PFKP: variants seen among roughly 807,000 people sequenced by gnomAD.
PFKP encodes ATP-dependent 6-phosphofructokinase, platelet type.
PFKP carries 101 observed loss-of-function variants against 94.3 expected under a neutral mutation model. The ratio of observed to expected loss-of-function variants is 1.07; its 90% confidence interval spans 0.91 to 1.26. PFKP has a LOEUF of 1.26. Ranked by LOEUF, PFKP falls within the 50% of genes most tolerant of loss-of-function variation. The probability of loss-of-function intolerance (pLI) is 0.00; values close to 1 mark genes in which losing one functional copy is unlikely to be tolerated. For synonymous variants in PFKP, 573 were observed against 432.6 expected (o/e 1.32, Z -4.03); for missense variants, 1,145 against 1,103.3 (o/e 1.04, Z -0.53).
rs149410771 is a variant in PFKP at position 3,135,986 on chromosome 10, C to T, written c.2225+148C>T. 3.9e-4 allele frequency: 237 copies of T among 610,628 alleles called. 1 individual carries two copies. In the East Asian group the frequency reaches 6.6e-3, roughly 17 times the overall value. The allele number at this position is 610,628 out of a possible 1,614,324, so 37.8% of individuals were successfully genotyped here. A position where few individuals can be genotyped will look rare whatever the true frequency, so the allele number is the denominator to read the frequency against. ...CAGTTAAAAAAATACTAGGTCTTGGCTGGGCGCGGTGGCTCATGCCTATAA... is the reference window on the plus strand; with the variant it reads ...CAGTTAAAAAAATACTAGGTCTTGGTTGGGCGCGGTGGCTCATGCCTATAA... On this transcript the variant is annotated intron_variant, in intron 21 of 21. Transcript: ENST00000381125.
intron 16 of PFKP, chr10:3,125,060 C>G (rs781684173): frequency 1.7e-6 from 2 of 1,190,628 alleles, no homozygotes; most frequent in Non-Finnish European, 1.1e-6. Context: ...GGTGAGCACC[C>G]GGCACCCCCG....
chr10:3,123,616 G>A (rs9423471), intron 16 of PFKP, among the ~76,000 whole-genome samples: 39,879 of 152,160 alleles, frequency 0.26, 5,277 homozygotes, highest in South Asian at 0.31. Flanking sequence ...AGAAACAGCC[G>A]GCTCCCCACA....
intron 2 of PFKP, among the ~76,000 whole-genome samples, chr10:3,099,072 G>A (rs778650489): frequency 3.9e-5 from 6 of 152,164 alleles, no homozygotes; most frequent in Admixed American, 2.6e-4. Flanking sequence ...CTAGGCAGAC[G>A]TTCCCATTAC....
chr10:3,135,804 C>A lies in PFKP; in HGVS notation c.2191C>A (p.Pro731Thr), dbSNP rs1839203015. The A allele has an allele frequency of 6.2e-7, 1 of 1,613,372 alleles. No homozygotes were observed. Among genetic ancestry groups the A allele is most frequent in the Non-Finnish European group, 8.5e-7 (1 of 1,179,376 alleles). Residue 731 changes from proline (P) to threonine (T), a missense_variant, in exon 21 of 22, where the codon CCT becomes ACT. Coordinates refer to ENST00000381125, the MANE Select transcript of PFKP (RefSeq NM_002627.5). ...GISKRNVIFQ[P>T]VAELKKQTDF... The stretch of plus-strand genomic sequence containing the variant: ...AAGCAAAAGAAACGTTATTTTTCAA[C>A]CTGTGGCAGAGCTGAAGAAGCAAAC...
At chr10:3,134,197 C>T (rs2306311) in intron 19 of PFKP, among the ~76,000 whole-genome samples, 40,651 of 152,180 alleles carry the variant, frequency 0.27, 5,864 homozygotes, top group East Asian at 0.38. Context: ...CCATCCCCAG[C>T]TCAGATGAGT....
chr10:3,136,362 T>G, intron 21 of PFKP, 88 bp from the exon 22 acceptor site: 2 of 1,421,176 alleles, frequency 1.4e-6, no homozygotes, highest in Non-Finnish European at 2.0e-6. Context: ...CCTGTGTTTC[T>G]GGCAAGACCG....
At chr10:3,103,655 A>G in intron 4 of PFKP, 124 bp from the exon 5 acceptor site, 1 of 905,676 alleles carries the variant, frequency 1.1e-6, no homozygotes, top group Non-Finnish European at 1.7e-6. Context: ...AAATGATACC[A>G]ATAACAAAGA....
intron 1 of PFKP, among the ~76,000 whole-genome samples, chr10:3,068,196 A>C (rs997835898): frequency 6.6e-6 from 1 of 151,488 alleles, no homozygotes; most frequent in African/African-American, 2.4e-5. Flanking sequence ...ACTCCGCCGC[A>C]CGCCACCCCC....
rs759745063 is a variant in PFKP at position 3,113,404 on chromosome 10, G to A, written c.1257G>A (p.Gly419=). 1 of 1,598,558 alleles carries A rather than the reference G, an allele frequency of 6.3e-7. No individual in the cohort carries two copies. Among genetic ancestry groups the A allele is most frequent in the Admixed American group, 1.7e-5 (1 of 58,770 alleles). ...TNCNVAVINV[G]APAAGMNAAV... ...GCAACGTAGCTGTCATCAACGTGGGGGCACCCGCGGCTGGGATGAACGCAG... is the reference window on the plus strand; with the variant it reads ...GCAACGTAGCTGTCATCAACGTGGGAGCACCCGCGGCTGGGATGAACGCAG... The change falls in exon 13 of 22, where the codon GGG becomes GGA. Residue 419 remains glycine (G), a synonymous_variant. Coordinates refer to ENST00000381125, the MANE Select transcript of PFKP (RefSeq NM_002627.5).
intron 1 of PFKP, chr10:3,069,374 G>C (rs1436919452): frequency 6.3e-7 from 1 of 1,589,890 alleles, no homozygotes; most frequent in African/African-American, 1.3e-5. Context: ...ACTTAAACCG[G>C]CCCGGAGATG....
At chr10:3,078,240 C>T (rs1832761897) in intron 1 of PFKP, among the ~76,000 whole-genome samples, 1 of 152,158 alleles carries the variant, frequency 6.6e-6, no homozygotes, top group Non-Finnish European at 1.5e-5. Context: ...TGTGAAAGCC[C>T]TCATTGCAGG....
At chr10:3,102,940 A>G (rs748249779) in intron 4 of PFKP, among the ~76,000 whole-genome samples, 10 of 152,340 alleles carry the variant, frequency 6.6e-5, no homozygotes, top group Admixed American at 4.6e-4. Context: ...AGACCGGGAC[A>G]GTGGCCACAA....
chr10:3,133,911 C>T (rs1838897821), intron 19 of PFKP, among the ~76,000 whole-genome samples: 1 of 152,124 alleles, frequency 6.6e-6, no homozygotes, highest in African/African-American at 2.4e-5. Flanking sequence ...CTGGAGCTTC[C>T]CTAAGATTTA....
chr10:3,069,153 GC>G lies in PFKP; in HGVS notation c.112+1447del, dbSNP rs1010290547. The stretch of plus-strand genomic sequence containing the variant: ...AGCCTCCCCAGGCCCAGCGCCCCCC[GC>G]GGGAGACCCGGGTGGCAGCGCCAGG... On this transcript the variant is annotated intron_variant, in intron 1 of 21. Transcript: ENST00000381125. 10 of 964,038 alleles carry G rather than the reference GC, an allele frequency of 1.0e-5. No homozygotes were observed. In the African/African-American group the frequency reaches 1.7e-4, roughly 17 times the overall value. 59.7% of individuals were successfully genotyped at this position (964,038 alleles called of 1,614,324 possible).
chr10:3,100,863 A>AG, intron 3 of PFKP: 1 of 158,326 alleles, frequency 6.3e-6, no homozygotes, highest in Non-Finnish European at 8.6e-6. Flanking sequence ...TATGTGGTGC[A>AG]AAAAAAAAAA....
chr10:3,129,722 T>TG (rs968193327), intron 16 of PFKP, 97 bp from the exon 17 acceptor site: 80 of 1,283,720 alleles, frequency 6.2e-5, no homozygotes, highest in East Asian at 1.2e-4. Context: ...TTGGGCGCGG[T>TG]GGGGGGGCCT....
chr10:3,110,834 G>A (rs1051919287), intron 10 of PFKP, among the ~76,000 whole-genome samples: 31 of 152,096 alleles, frequency 2.0e-4, no homozygotes, highest in African/African-American at 7.0e-4. Context: ...GCATGTATGT[G>A]TATGTTTATA....
intron 1 of PFKP, chr10:3,069,216 A>G: frequency 1.5e-6 from 2 of 1,312,592 alleles, no homozygotes; most frequent in Non-Finnish European, 2.0e-6. Flanking sequence ...GCCCCCGGGA[A>G]GTGCTCTGGC....
Position 3,118,872 on chromosome 10 carries a change from A to G in PFKP, c.1530+3A>G. ...TGCTGATCATCGGTGGATTCGAGGT[A>G]CGTTACCGTTTCTCTCTTGCCGGTC... On this transcript the variant is annotated splice_donor_region_variant and intron_variant, in intron 15 of 21. Transcript: ENST00000381125. 1 of 1,609,786 alleles carries G rather than the reference A, an allele frequency of 6.2e-7. No individual in the cohort carries two copies. Among genetic ancestry groups the G allele is most frequent in the Non-Finnish European group, 8.5e-7 (1 of 1,176,560 alleles).
Sources: gnomAD v4.1 joint callset for allele counts (sites outside exome capture counted in the v4.1 genomes callset) on GRCh38, gnomAD v4.1.1 for gene constraint, MANE v1.5 for transcripts, NCBI Gene and HGNC (gene_info 2026-07-23, HGNC 2026-07-21) for gene names.